Variants in TSC22D2 observed in about 807,000 individuals in gnomAD.
TSC22D2 encodes the protein TSC22 domain family protein 2.
A neutral mutation model predicts 50.1 loss-of-function variants in TSC22D2; 5 were observed. The ratio of observed to expected loss-of-function variants is 0.10; its 90% confidence interval spans 0.05 to 0.21. TSC22D2 has a LOEUF of 0.21. TSC22D2 is among the 10% of genes least tolerant of loss of function. The pLI is 1.00. For synonymous variants in TSC22D2, 501 were observed against 450.1 expected (o/e 1.11, Z -1.43); for missense variants, 1,003 against 1,015.5 (o/e 0.99, Z 0.17).
intron 1 of TSC22D2, among the ~76,000 whole-genome samples, chr3:150,445,465 ATAAC>A: frequency 6.6e-6 from 1 of 152,150 alleles, no homozygotes; most frequent in African/African-American, 2.4e-5. Context: ...CAATTAAGGA[ATAAC>A]TAGGATTTTA....
chr3:150,423,270 C>A, intron 1 of TSC22D2: 1 of 472,332 alleles, frequency 2.1e-6, no homozygotes, highest in Non-Finnish European at 3.7e-6. Context: ...CAAAATAAAC[C>A]AAAAGGACAA....
chr3:150,428,614 CTT>C (rs1272794296), intron 1 of TSC22D2, among the ~76,000 whole-genome samples: 2 of 116,174 alleles, frequency 1.7e-5, no homozygotes, highest in Non-Finnish European at 4.2e-5. Context: ...AAAAAACATA[CTT>C]AGATATGTGT....
rs567921096 is a variant in TSC22D2, at chr3:150,427,861, T to C, written c.1958+16553T>C. 1.1e-4 allele frequency among the ~76,000 whole-genome samples: 17 copies of C among 152,062 alleles called. No homozygotes were observed. The South Asian group carries it at 3.5e-3, about 32-fold the overall frequency. Reference sequence around the variant, plus strand: ...ATTTTACTTTTTAATCTGAAATATTTTAGATTTAAAGTTGCAAAAATAGTG... The same window carrying C: ...ATTTTACTTTTTAATCTGAAATATTCTAGATTTAAAGTTGCAAAAATAGTG... On this transcript the variant is annotated intron_variant, in intron 1 of 2. Transcript: ENST00000688009.
chr3:150,442,162 T>C (rs956103833), intron 1 of TSC22D2, among the ~76,000 whole-genome samples: 1 of 152,092 alleles, frequency 6.6e-6, no homozygotes, highest in Admixed American at 6.5e-5. Flanking sequence ...ATCTTTTTTT[T>C]CTCCACCCAA....
At position 150,409,791 on chromosome 3, in the gene TSC22D2, G is replaced by A. The variant is rs1719442566; in HGVS notation, c.441G>A (p.Val147=). The change falls in exon 1 of 3, where the codon GTG becomes GTA. Residue 147 remains valine, a synonymous_variant. Transcript: ENST00000688009. This position sits in a 1 kb window ranked among gnomAD's most constrained non-coding sequence, Gnocchi z 7.4. ...PQLAGSSAGP[V]TAAPSQPPTT... ...TCGCGGGCTCATCCGCCGGGCCAGT[G>A]ACTGCAGCCCCATCTCAGCCTCCCA... 4 of 1,603,034 alleles carry A rather than the reference G, an allele frequency of 2.5e-6. No individual in the cohort carries two copies. The highest frequency in any genetic ancestry group is 2.2e-5 in the East Asian group (1 of 44,858).
intron 1 of TSC22D2, among the ~76,000 whole-genome samples, chr3:150,417,046 A>T (rs13068946): frequency 0.15 from 22,895 of 152,132 alleles, 1,912 homozygotes; most frequent in Non-Finnish European, 0.2. Flanking sequence ...TAATTTTATT[A>T]GTGTTTGCCT....
At chr3:150,454,655 C>A (rs1379530078) in intron 1 of TSC22D2, among the ~76,000 whole-genome samples, 1 of 152,156 alleles carries the variant, frequency 6.6e-6, no homozygotes, top group Non-Finnish European at 1.5e-5. Flanking sequence ...AAGTTTGAGA[C>A]CCCTGCAGTA....
chr3:150,459,683 C>A lies in TSC22D2; in HGVS notation c.*1047C>A, dbSNP rs1721323081. 1 of 149,644 alleles carries A rather than the reference C, an allele frequency of 6.7e-6. No homozygotes were observed. The allele number at this position is 149,644 out of a possible 1,614,324, so 9.3% of individuals were successfully genotyped here. A position where few individuals can be genotyped will look rare whatever the true frequency, so the allele number is the denominator to read the frequency against. ...TACTGTCTAGCATGATCTGCATGAC[C>A]TATAATCTTTGAACCACTTTCGTAC... On this transcript the variant is annotated 3_prime_UTR_variant, in exon 3 of 3. Coordinates refer to ENST00000688009, the MANE Select transcript of TSC22D2 (RefSeq NM_001303264.2).
intron 1 of TSC22D2, among the ~76,000 whole-genome samples, chr3:150,439,655 GTTCAGAGCATTTGTCAGATTTTTTT>G (rs745689537): frequency 2.2e-4 from 33 of 151,966 alleles, no homozygotes; most frequent in Non-Finnish European, 4.4e-4. Context: ...TCTGTGAAAG[GTTCAGAGCATTTGTCAGATTTTTTT>G]TTCAGAGCAT....
intron 1 of TSC22D2, among the ~76,000 whole-genome samples, chr3:150,437,991 T>C (rs763255350): frequency 1.1e-3 from 169 of 152,276 alleles, no homozygotes; most frequent in Middle Eastern, 3.4e-3. Context: ...ATTTCTACTT[T>C]ACTCTTTACT....
Position 150,411,152 on chromosome 3 carries a change from T to C in TSC22D2, c.1802T>C (p.Leu601Pro), listed in dbSNP as rs763664516. Residue 601 changes from leucine (L) to proline (P), a missense_variant, in exon 1 of 3, where the codon CTA (leucine) becomes CCA (proline). This residue lies in a region of TSC22D2 where 696 missense variants were observed against 647.8 expected (regional missense o/e 1.07). Coordinates refer to ENST00000688009, the MANE Select transcript of TSC22D2 (RefSeq NM_001303264.2). The part of the protein sequence containing the change: ...VDDTRRKSEP[L>P]PQPPLSLIAE... ...GATACTAGAAGAAAATCAGAACCCC[T>C]ACCTCAACCACCACTTTCTCTCATT... 6.2e-7 allele frequency: 1 copy of C among 1,614,156 alleles called. No individual in the cohort carries two copies. Among genetic ancestry groups the C allele is most frequent in the East Asian group, 2.2e-5 (1 of 44,888 alleles).
chr3:150,461,353 G>T lies in TSC22D2; in HGVS notation c.*2717G>T, dbSNP rs556966122. On this transcript the variant is annotated 3_prime_UTR_variant, in exon 3 of 3. Transcript: ENST00000688009. ...TTCAGCTTTGGAGATTTAGTCTCCTGCTCCAAATAGTTGTAAATATTAACT... is the reference window on the plus strand; with the variant it reads ...TTCAGCTTTGGAGATTTAGTCTCCTTCTCCAAATAGTTGTAAATATTAACT... 1 of 152,048 alleles carries T rather than the reference G, an allele frequency of 6.6e-6. No individual in the cohort carries two copies. The highest frequency in any genetic ancestry group is 1.5e-5 in the Non-Finnish European group (1 of 68,006). 9.4% of individuals were successfully genotyped at this position (152,048 alleles called of 1,614,324 possible).
intron 1 of TSC22D2, among the ~76,000 whole-genome samples, chr3:150,456,351 A>G (rs1034244552): frequency 6.6e-6 from 1 of 151,166 alleles, no homozygotes; most frequent in Non-Finnish European, 1.5e-5. Context: ...AGCCTGGCTA[A>G]TTTTTTTTGT....
At chr3:150,438,750 C>G (rs1346499244) in intron 1 of TSC22D2, among the ~76,000 whole-genome samples, 3 of 151,970 alleles carry the variant, frequency 2.0e-5, no homozygotes, top group Admixed American at 6.5e-5. Context: ...TAATAACATA[C>G]AGCTTAATTT....
intron 1 of TSC22D2, among the ~76,000 whole-genome samples, chr3:150,455,742 G>A (rs918614513): frequency 6.6e-6 from 1 of 152,018 alleles, no homozygotes; most frequent in African/African-American, 2.4e-5. Flanking sequence ...TAGTTTCCAG[G>A]TATTTTAGCA....
In TSC22D2 at chr3:150,460,646, T is replaced by TAG. The variant is rs1721367287; in HGVS notation, c.*2013_*2014dup. The TAG allele has an allele frequency of 6.6e-6, 1 of 152,216 alleles. No individual in the cohort carries two copies. The highest frequency in any genetic ancestry group is 2.4e-5 in the African/African-American group (1 of 41,452). 9.4% of individuals were successfully genotyped at this position (152,216 alleles called of 1,614,324 possible). ...TAAGGATGTGTAGTAAGATTCCAAG[T>TAG]AGAGCTGCTACAGGTGAGATACTTA... On this transcript the variant is annotated 3_prime_UTR_variant, in exon 3 of 3. Coordinates refer to ENST00000688009, the MANE Select transcript of TSC22D2 (RefSeq NM_001303264.2).
intron 1 of TSC22D2, among the ~76,000 whole-genome samples, chr3:150,433,275 G>A (rs1210633963): frequency 6.6e-6 from 1 of 152,128 alleles, no homozygotes; most frequent in African/African-American, 2.4e-5. Flanking sequence ...AAAAATAGTG[G>A]TGTCTTCACT....
intron 1 of TSC22D2, among the ~76,000 whole-genome samples, chr3:150,452,587 C>G (rs1721077997): frequency 6.6e-6 from 1 of 152,070 alleles, no homozygotes; most frequent in South Asian, 2.1e-4. Flanking sequence ...AGTAAGGAAA[C>G]CTAGGAGGAA....
intron 1 of TSC22D2, among the ~76,000 whole-genome samples, chr3:150,440,645 T>A (rs1251484043): frequency 1.4e-5 from 2 of 142,042 alleles, no homozygotes; most frequent in Non-Finnish European, 3.0e-5. Context: ...ATGTGAGAGT[T>A]TTCCATTTGC....
Sources: allele counts gnomAD v4.1 joint callset (sites outside exome capture counted in the v4.1 genomes callset), GRCh38; gene constraint gnomAD v4.1.1; regional missense constraint gnomAD v4.1.1; non-coding constraint Gnocchi (gnomAD v3.1); transcripts MANE v1.5; gene names NCBI Gene and HGNC (gene_info 2026-07-23, HGNC 2026-07-21).